The following ADIPOR2 variants were observed in gnomAD, a reference collection of about 807,000 sequenced individuals.
ADIPOR2 encodes adiponectin receptor 2, also known as adiponectin receptor protein 2.
Under a neutral mutation model 40.9 loss-of-function variants are expected in ADIPOR2, and 18 were observed. The observed-to-expected ratio is 0.44, with a 90% confidence interval of 0.30 to 0.65. The LOEUF (loss-of-function observed/expected upper bound fraction) is 0.65. ADIPOR2 is among the 30% of genes least tolerant of loss of function. The pLI, the probability that ADIPOR2 is intolerant of heterozygous loss-of-function variation, is 0.09. For missense variants in ADIPOR2, 283 were observed against 479.2 expected (o/e 0.59, Z 3.82); for synonymous variants, 165 against 166.4 (o/e 0.99, Z 0.06).
intron 1 of ADIPOR2, among the ~76,000 whole-genome samples, chr12:1,736,813 T>G (rs1347017769): frequency 6.6e-6 from 1 of 152,260 alleles, no homozygotes; most frequent in African/African-American, 2.4e-5. Context: ...GTATGTTGTG[T>G]CTTTGTTCTC....
At chr12:1,711,019 G>A (rs1324465879) in intron 1 of ADIPOR2, among the ~76,000 whole-genome samples, 1 of 152,146 alleles carries the variant, frequency 6.6e-6, no homozygotes, top group Non-Finnish European at 1.5e-5. Context: ...GAAAGGCGTT[G>A]TCTGATTTCA....
At chr12:1,729,707 A>G (rs2094716021) in intron 1 of ADIPOR2, among the ~76,000 whole-genome samples, 1 of 142,526 alleles carries the variant, frequency 7.0e-6, no homozygotes. Context: ...GCATCAGTTA[A>G]TGAACTAGTT....
chr12:1,707,459 A>C (rs531327705), intron 1 of ADIPOR2, among the ~76,000 whole-genome samples: 1 of 150,196 alleles, frequency 6.7e-6, no homozygotes, highest in East Asian at 2.0e-4. Flanking sequence ...GTTTTTATTT[A>C]CATTTTTCTT....
chr12:1,782,935 T>G (rs1862747368), intron 6 of ADIPOR2, among the ~76,000 whole-genome samples: 1 of 151,240 alleles, frequency 6.6e-6, no homozygotes, highest in Non-Finnish European at 1.5e-5. Flanking sequence ...GATTAAATTT[T>G]TTCTTCTTTT....
intron 1 of ADIPOR2, among the ~76,000 whole-genome samples, chr12:1,751,153 G>C (rs1436574976): frequency 6.6e-6 from 1 of 151,630 alleles, no homozygotes; most frequent in Non-Finnish European, 1.5e-5. Context: ...GTTCTGTTTT[G>C]TTAAATTTAT....
chr12:1,697,357 C>A (rs1217822842), intron 1 of ADIPOR2: 1 of 152,372 alleles, frequency 6.6e-6, no homozygotes, highest in Middle Eastern at 3.1e-3. Context: ...TCACTTTATC[C>A]TCAGATTCTG....
chr12:1,731,838 C>T (rs1444130211), intron 1 of ADIPOR2, among the ~76,000 whole-genome samples: 1 of 152,140 alleles, frequency 6.6e-6, no homozygotes, highest in African/African-American at 2.4e-5. Flanking sequence ...CTGGCGTGTG[C>T]TTGTAATCCC....
chr12:1,728,819 G>A (rs1385944637), intron 1 of ADIPOR2, among the ~76,000 whole-genome samples: 5 of 152,080 alleles, frequency 3.3e-5, no homozygotes, highest in South Asian at 2.1e-4. Context: ...TTCTGTGTTA[G>A]TAGAATAAAA....
intron 2 of ADIPOR2, 110 bp downstream of exon 2, chr12:1,754,624 TG>T: frequency 1.8e-6 from 2 of 1,096,756 alleles, no homozygotes; most frequent in Non-Finnish European, 2.5e-6. Context: ...GAGGATGGGG[TG>T]GTAAGAAGGA....
At position 1,721,459 on chromosome 12, in the gene ADIPOR2, G is replaced by A. The variant is rs370982896; in HGVS notation, c.-87+30268G>A. Among the ~76,000 whole-genome samples, 22 of 151,912 alleles carry A rather than the reference G, an allele frequency of 1.4e-4. No individual in the cohort carries two copies. The East Asian group carries it at 1.6e-3, about 11-fold the overall frequency. On this transcript the variant is annotated intron_variant, in intron 1 of 7. Transcript: ENST00000357103. ...TTGAATTCCTGACCTCAACTGATCCGCTTGCCTTGGCCTGCCACAGTGCTG... is the reference window on the plus strand; with the variant it reads ...TTGAATTCCTGACCTCAACTGATCCACTTGCCTTGGCCTGCCACAGTGCTG...
At chr12:1,767,118 ATAAT>A in intron 2 of ADIPOR2, among the ~76,000 whole-genome samples, 1 of 152,158 alleles carries the variant, frequency 6.6e-6, no homozygotes, top group South Asian at 2.1e-4. Flanking sequence ...AAAAATATAA[ATAAT>A]TAGCCGGGCG....
intron 1 of ADIPOR2, among the ~76,000 whole-genome samples, chr12:1,698,745 G>A (rs1400755258): frequency 1.3e-5 from 2 of 152,016 alleles, no homozygotes; most frequent in Non-Finnish European, 2.9e-5. Flanking sequence ...TTTTGTAATA[G>A]TTGAAGAAAA....
chr12:1,747,807 A>G (rs1272059153), intron 1 of ADIPOR2, among the ~76,000 whole-genome samples: 2 of 151,918 alleles, frequency 1.3e-5, no homozygotes, highest in Non-Finnish European at 2.9e-5. Context: ...ACTGGGTTCC[A>G]TTTTAAAATA....
intron 1 of ADIPOR2, among the ~76,000 whole-genome samples, chr12:1,723,347 G>GAGCC (rs1007710659): frequency 3.9e-4 from 59 of 151,866 alleles, no homozygotes; most frequent in African/African-American, 1.4e-3. Flanking sequence ...AAATGTGGAA[G>GAGCC]GGCTGGGCAC....
At chr12:1,780,736 A>T in intron 5 of ADIPOR2, 99 bp downstream of exon 5, 2 of 1,396,494 alleles carry the variant, frequency 1.4e-6, no homozygotes, top group East Asian at 4.8e-5. Flanking sequence ...ATATCATCTC[A>T]TGCAAACTTT....
intron 1 of ADIPOR2, among the ~76,000 whole-genome samples, chr12:1,706,633 C>A (rs1422714018): frequency 6.6e-6 from 1 of 152,060 alleles, no homozygotes; most frequent in Non-Finnish European, 1.5e-5. Context: ...ATGAAATATA[C>A]TCATTTTAGG....
chr12:1,784,746 G>A (rs1452178026), intron 7 of ADIPOR2, among the ~76,000 whole-genome samples: 1 of 152,040 alleles, frequency 6.6e-6, no homozygotes. Context: ...GAAAATATAA[G>A]GACTGATATA....
intron 6 of ADIPOR2, among the ~76,000 whole-genome samples, chr12:1,781,310 T>A (rs889141602): frequency 2.0e-4 from 31 of 152,174 alleles, no homozygotes; most frequent in African/African-American, 7.0e-4. Flanking sequence ...TCATGGTGAG[T>A]ATGAGGTGAT....
intron 1 of ADIPOR2, among the ~76,000 whole-genome samples, chr12:1,718,171 T>C (rs965172947): frequency 2.6e-5 from 4 of 152,302 alleles, no homozygotes; most frequent in African/African-American, 9.6e-5. Context: ...AAAATTATCC[T>C]TCGAGTTTTA....
Sources: gnomAD v4.1 joint callset for allele counts (sites outside exome capture counted in the v4.1 genomes callset) on GRCh38, gnomAD v4.1.1 for gene constraint, MANE v1.5 for transcripts, NCBI Gene and HGNC (gene_info 2026-07-23, HGNC 2026-07-21) for gene names.